Variants in SAMD12 observed in about 807,000 individuals in gnomAD.
The protein encoded by SAMD12 is sterile alpha motif domain-containing protein 12.
In SAMD12, 9 loss-of-function variants were observed where a neutral mutation model predicts 15.0. The ratio of observed to expected loss-of-function variants is 0.60; its 90% CI spans 0.36 to 1.05. The LOEUF (loss-of-function observed/expected upper bound fraction) is 1.05. Among genes scored for constraint, SAMD12 ranks in the 50% least tolerant of loss-of-function variants. The pLI is 0.01. For missense variants in SAMD12, 230 were observed against 234.2 expected (o/e 0.98, Z 0.12); for synonymous variants, 86 against 90.1 (o/e 0.96, Z 0.25).
At chr8:118,548,384 T>TACATACACAC (rs1554583414) in intron 2 of SAMD12, among the ~76,000 whole-genome samples, 1 of 139,800 alleles carries the variant, frequency 7.2e-6, no homozygotes, top group Non-Finnish European at 1.6e-5. Context: ...AAAACACACA[T>TACATACACAC]ACACACACAC....
At chr8:118,555,699 A>G (rs1371727950) in intron 2 of SAMD12, among the ~76,000 whole-genome samples, 1 of 152,206 alleles carries the variant, frequency 6.6e-6, no homozygotes, top group Admixed American at 6.5e-5. Flanking sequence ...CCATGTTTCT[A>G]TTAAATAATC....
the SAMD12 span, among the ~76,000 whole-genome samples, chr8:118,171,098 A>C: frequency 6.6e-6 from 1 of 152,248 alleles, no homozygotes; most frequent in South Asian, 2.1e-4. Context: ...GTCATTCTGC[A>C]AATGTAAACT....
At chr8:118,413,811 A>G (rs544057456) in intron 3 of SAMD12, among the ~76,000 whole-genome samples, 25 of 152,048 alleles carry the variant, frequency 1.6e-4, no homozygotes, top group Non-Finnish European at 3.2e-4. Flanking sequence ...GATCTTAGAC[A>G]GGGGGAGTCA....
chr8:118,607,640 T>G (rs1355978462), intron 1 of SAMD12, among the ~76,000 whole-genome samples: 4 of 152,214 alleles, frequency 2.6e-5, no homozygotes, highest in African/African-American at 9.6e-5. Flanking sequence ...AGTCCCTTTT[T>G]TTATTTGCAG....
intron 2 of SAMD12, among the ~76,000 whole-genome samples, chr8:118,475,934 G>C (rs193082091): frequency 6.6e-6 from 1 of 152,332 alleles, no homozygotes; most frequent in Non-Finnish European, 1.5e-5. Context: ...AACTGTATCT[G>C]CAAGAAGATA....
At chr8:118,607,958 T>C (rs978675404) in intron 1 of SAMD12, among the ~76,000 whole-genome samples, 1 of 152,216 alleles carries the variant, frequency 6.6e-6, no homozygotes, top group South Asian at 2.1e-4. Context: ...TCAAATATTT[T>C]CTACCTTTTA....
chr8:118,605,831 T>C (rs1203874832), intron 1 of SAMD12, among the ~76,000 whole-genome samples: 20 of 96,684 alleles, frequency 2.1e-4, no homozygotes, highest in African/African-American at 8.8e-4. Context: ...TATATATATA[T>C]ACTGACCATC....
chr8:118,202,071 T>C (rs965521871), intron 4 of SAMD12, among the ~76,000 whole-genome samples: 3 of 152,230 alleles, frequency 2.0e-5, no homozygotes, highest in Non-Finnish European at 4.4e-5. Context: ...CAAGCTCATT[T>C]TCTTCACCTT....
At chr8:118,377,148 GCACTTT>G (rs574388735), downstream of SAMD12, among the ~76,000 whole-genome samples, 2 of 152,106 alleles carry the variant, frequency 1.3e-5, no homozygotes, top group Admixed American at 1.3e-4. Flanking sequence ...TGTAATCCCA[GCACTTT>G]GGGAGGCCAA....
chr8:118,285,499 A>G (rs1041836236), intron 4 of SAMD12, among the ~76,000 whole-genome samples: 1 of 152,248 alleles, frequency 6.6e-6, no homozygotes, highest in Non-Finnish European at 1.5e-5. Flanking sequence ...TGTGGCATCA[A>G]CAGTCTTCCC....
chr8:118,457,711 C>A (rs1823301437), intron 2 of SAMD12, among the ~76,000 whole-genome samples: 1 of 152,144 alleles, frequency 6.6e-6, no homozygotes, highest in Admixed American at 6.5e-5. Flanking sequence ...GTACAATATC[C>A]TGGTCATTTC....
intron 2 of SAMD12, among the ~76,000 whole-genome samples, chr8:118,466,209 A>G (rs1263846097): frequency 6.6e-6 from 1 of 152,234 alleles, no homozygotes; most frequent in Non-Finnish European, 1.5e-5. Flanking sequence ...CCAATAGCCT[A>G]TAGAACAAGG....
chr8:118,584,574 G>C (rs1361476679), intron 1 of SAMD12, among the ~76,000 whole-genome samples: 1 of 152,096 alleles, frequency 6.6e-6, no homozygotes, highest in Non-Finnish European at 1.5e-5. Flanking sequence ...GTCTTTATGG[G>C]AAGTGCTGCT....
At chr8:118,449,239 T>G (rs1293096885) in intron 2 of SAMD12, among the ~76,000 whole-genome samples, 1 of 151,904 alleles carries the variant, frequency 6.6e-6, no homozygotes, top group Non-Finnish European at 1.5e-5. Context: ...TTTTATGTAT[T>G]TTTAGTAGAG....
intron 2 of SAMD12, among the ~76,000 whole-genome samples, chr8:118,463,684 C>A (rs1823502766): frequency 6.6e-6 from 1 of 152,252 alleles, no homozygotes; most frequent in Admixed American, 6.5e-5. Flanking sequence ...ACCCAGGTGG[C>A]AAAATCTGAC....
At chr8:118,439,744 ATGT>A (rs34337924) in intron 3 of SAMD12, 85 bp downstream of exon 3, 685,670 of 1,309,100 alleles carry the variant, frequency 0.52, 184,806 homozygotes, top group Admixed American at 0.6. Context: ...CAGCAGGAAG[ATGT>A]TGTTTCATGG....
chr8:118,569,982 T>G (rs1178111522), intron 2 of SAMD12, among the ~76,000 whole-genome samples: 1 of 152,236 alleles, frequency 6.6e-6, no homozygotes, highest in Admixed American at 6.5e-5. Flanking sequence ...TTTTTCAGTT[T>G]AAGTGAGGAG....
intron 4 of SAMD12, among the ~76,000 whole-genome samples, chr8:118,361,247 A>C (rs1336500963): frequency 6.6e-6 from 1 of 152,168 alleles, no homozygotes; most frequent in African/African-American, 2.4e-5. Flanking sequence ...TTTCTCTTGC[A>C]AGATTAATTA....
At chr8:118,440,091 T>C (rs1822695457) in intron 2 of SAMD12, 130 bp from the exon 3 acceptor site, 1 of 844,998 alleles carries the variant, frequency 1.2e-6, no homozygotes, top group African/African-American at 1.7e-5. Flanking sequence ...TTCTTGTCTT[T>C]CTCCTAACCT....
Sources: gnomAD v4.1 joint callset for allele counts (sites outside exome capture counted in the v4.1 genomes callset) on GRCh38, gnomAD v4.1.1 for gene constraint, MANE v1.5 for transcripts, NCBI Gene and HGNC (gene_info 2026-07-23, HGNC 2026-07-21) for gene names.